PHF11: variants seen among roughly 807,000 people sequenced by gnomAD.
The protein encoded by PHF11 is BRCA1 C-terminus-associated protein.
A neutral mutation model predicts 40.5 loss-of-function variants in PHF11; 38 were observed. That is an observed-to-expected ratio of 0.94 (90% CI 0.72 to 1.23). PHF11 has a LOEUF of 1.23. Among genes scored for constraint, PHF11 ranks in the 50% most tolerant of loss-of-function variants. The pLI, the probability that PHF11 is intolerant of heterozygous loss-of-function variation, is 0.00. For missense variants in PHF11, 369 were observed against 392.4 expected (o/e 0.94, Z 0.50); for synonymous variants, 127 against 138.2 (o/e 0.92, Z 0.57).
At chr13:49,519,706 A>T (rs1342113430) in intron 4 of PHF11, among the ~76,000 whole-genome samples, 1 of 145,852 alleles carries the variant, frequency 6.9e-6, no homozygotes, top group South Asian at 2.2e-4. Context: ...AGAATTGTTG[A>T]CACTGTGGAA....
intron 6 of PHF11, 39 bp from the exon 7 acceptor site, chr13:49,523,136 T>C (rs1350590830): frequency 2.3e-6 from 3 of 1,309,370 alleles, no homozygotes; most frequent in Non-Finnish European, 3.3e-6. Flanking sequence ...TTATGCAATA[T>C]TAAAATCAAT....
intron 6 of PHF11, among the ~76,000 whole-genome samples, chr13:49,522,910 A>G (rs1202052578): frequency 6.6e-6 from 1 of 151,760 alleles, no homozygotes; most frequent in African/African-American, 2.4e-5. Flanking sequence ...GATTACAGGC[A>G]TGCACCACCA....
At chr13:49,514,344 G>A (rs909996493) in intron 3 of PHF11, among the ~76,000 whole-genome samples, 2 of 152,158 alleles carry the variant, frequency 1.3e-5, no homozygotes, top group South Asian at 2.1e-4. Flanking sequence ...CATTTTAATC[G>A]AAGAAATGGA....
intron 1 of PHF11, among the ~76,000 whole-genome samples, chr13:49,504,890 G>T (rs1266836109): frequency 1.3e-5 from 2 of 149,264 alleles, no homozygotes; most frequent in African/African-American, 2.5e-5. Context: ...TTCTGCCTTG[G>T]GATCCTGTTG....
At position 49,497,144 on chromosome 13, in the gene PHF11, G is replaced by A. The variant is rs1033738702; in HGVS notation, c.94+1049G>A. 34 of 1,289,382 alleles carry A rather than the reference G, an allele frequency of 2.6e-5. No homozygotes were observed. The East Asian group carries it at 1.4e-3, about 53-fold the overall frequency. The allele number at this position is 1,289,382 out of a possible 1,614,324, so 79.9% of individuals were successfully genotyped here. A position where few individuals can be genotyped will look rare whatever the true frequency, so the allele number is the denominator to read the frequency against. On this transcript the variant is annotated intron_variant, in intron 1 of 9. Transcript: ENST00000378319. ...GGCACCAAACCACAAAACGTCACACGTAAACATCATACGTGGCAACCACAA... is the reference window on the plus strand; with the variant it reads ...GGCACCAAACCACAAAACGTCACACATAAACATCATACGTGGCAACCACAA...
At position 49,513,153 on chromosome 13, in the gene PHF11, G is replaced by A. The variant is rs1959100504; in HGVS notation, c.311G>A (p.Arg104Lys). The A allele has an allele frequency of 6.6e-7, 1 of 1,526,392 alleles. No homozygotes were observed. The highest frequency in any genetic ancestry group is 9.1e-7 in the Non-Finnish European group (1 of 1,100,370). 94.6% of individuals were successfully genotyped at this position (1,526,392 alleles called of 1,614,324 possible). A position where few individuals can be genotyped will look rare whatever the true frequency, so the allele number is the denominator to read the frequency against. Reference protein sequence around the residue: ...DVESVKKEIQRGRKLKCKFCH... With the variant: ...DVESVKKEIQKGRKLKCKFCH... ...GAATCAGTAAAGAAAGAAATCCAGAGAGGAAGGAAGTTGGTAAGTGTAAAT... is the reference window on the plus strand; with the variant it reads ...GAATCAGTAAAGAAAGAAATCCAGAAAGGAAGGAAGTTGGTAAGTGTAAAT... The change falls in exon 3 of 10, where the codon AGA becomes AAA. Residue 104 changes from arginine to lysine, a missense_variant. Transcript: ENST00000378319.
In PHF11 at chr13:49,528,602, C is replaced by A; in HGVS notation, c.933C>A (p.Cys311Ter). ...ELLQDLKQTL[C>*]SFQENRDLMS... ...TTCAGGACTTAAAACAAACCTTGTG[C>A]TCTTTTCAAGAAAATAGAGATCTTA... The change falls in exon 10 of 10, where the codon TGC becomes TGA. Residue 311 changes from cysteine (C) to a stop codon, truncating the protein, a stop_gained. Coordinates refer to ENST00000378319, the MANE Select transcript of PHF11 (RefSeq NM_001040443.3). LOFTEE classifies it low-confidence loss of function (END_TRUNC). The A allele has an allele frequency of 6.2e-7, 1 of 1,610,866 alleles. No homozygotes were observed. The highest frequency in any genetic ancestry group is 1.1e-5 in the South Asian group (1 of 90,934).
chr13:49,513,948 A>C (rs1175443393), intron 3 of PHF11, among the ~76,000 whole-genome samples: 2 of 152,188 alleles, frequency 1.3e-5, no homozygotes, highest in Non-Finnish European at 2.9e-5. Context: ...GTGAAAGACA[A>C]AGGTCATCCA....
chr13:49,505,818 C>G (rs1290857175), intron 1 of PHF11, among the ~76,000 whole-genome samples: 1 of 152,058 alleles, frequency 6.6e-6, no homozygotes, highest in Non-Finnish European at 1.5e-5. Context: ...TTCCTACCTT[C>G]ATGTATCTTT....
At position 49,504,968 on chromosome 13, in the gene PHF11, A is replaced by AT. The variant is rs1167245603; in HGVS notation, c.95-1665dup. Among the ~76,000 whole-genome samples, 9 of 150,570 alleles carry AT rather than the reference A, an allele frequency of 6.0e-5. No homozygotes were observed. In the East Asian group the frequency reaches 1.4e-3, roughly 23 times the overall value. On this transcript the variant is annotated intron_variant, in intron 1 of 9. Transcript: ENST00000378319. ...GCTGTGTCCACTCAGGGTTAAATGG[A>AT]TTAAGGGCGGTGCAAGATGTGCTTT...
intron 4 of PHF11, among the ~76,000 whole-genome samples, 158 bp from the exon 5 acceptor site, chr13:49,520,736 G>A (rs561094345): frequency 6.6e-6 from 1 of 152,012 alleles, no homozygotes; most frequent in Non-Finnish European, 1.5e-5. Flanking sequence ...TGCACTCAGT[G>A]TGGGTCACTA....
chr13:49,505,339 T>C (rs1209229732), intron 1 of PHF11, among the ~76,000 whole-genome samples: 2 of 151,948 alleles, frequency 1.3e-5, no homozygotes, highest in Non-Finnish European at 2.9e-5. Context: ...AAGAAGAAAC[T>C]GATCAGAATG....
intron 1 of PHF11, 148 bp downstream of exon 1, chr13:49,496,243 C>A: frequency 4.6e-6 from 3 of 647,682 alleles, no homozygotes; most frequent in Non-Finnish European, 6.5e-6. Flanking sequence ...CGGCGCTGGA[C>A]GAACTTGGCT....
chr13:49,506,233 T>TAAAACAA (rs1958986189), intron 1 of PHF11, among the ~76,000 whole-genome samples: 1 of 120,596 alleles, frequency 8.3e-6, no homozygotes, highest in Admixed American at 8.5e-5. Context: ...CCCCGGTCTC[T>TAAAACAA]AAAAAAAAAA....
At chr13:49,514,357 G>A (rs2139055687) in intron 3 of PHF11, among the ~76,000 whole-genome samples, 1 of 152,296 alleles carries the variant, frequency 6.6e-6, no homozygotes, top group African/African-American at 2.4e-5. Flanking sequence ...GAAATGGAAA[G>A]TGCAGGGTGA....
chr13:49,508,084 T>C (rs1219546218), intron 2 of PHF11, among the ~76,000 whole-genome samples: 1 of 148,596 alleles, frequency 6.7e-6, no homozygotes, highest in Non-Finnish European at 1.5e-5. Flanking sequence ...TATTATAATA[T>C]ATTATAAATA....
chr13:49,526,420 G>A lies in PHF11; in HGVS notation c.803G>A (p.Cys268Tyr). 2 of 1,610,176 alleles carry A rather than the reference G, an allele frequency of 1.2e-6. No individual in the cohort carries two copies. The highest frequency in any genetic ancestry group is 8.5e-7 in the Non-Finnish European group (1 of 1,176,530). ...GAAATCGGGAGTGCACTTTTTGACT[G>A]TAGATTGTTCGAAGACACATTTGTA... ...YEEIGSALFDCRLFEDTFVNF... is the reference protein window; with the variant it reads ...YEEIGSALFDYRLFEDTFVNF... Residue 268 changes from cysteine to tyrosine, a missense_variant, in exon 9 of 10, where the codon TGT becomes TAT. By Grantham distance (194) the Cys-to-Tyr change is radical. Coordinates refer to ENST00000378319, the MANE Select transcript of PHF11 (RefSeq NM_001040443.3).
chr13:49,526,940 T>TA (rs1959322820), intron 9 of PHF11, among the ~76,000 whole-genome samples: 2 of 152,068 alleles, frequency 1.3e-5, no homozygotes, highest in African/African-American at 4.8e-5. Context: ...ATCCCTCCGC[T>TA]TGCCTCCCTC....
At chr13:49,519,819 T>A (rs1407767330) in intron 4 of PHF11, among the ~76,000 whole-genome samples, 1 of 152,120 alleles carries the variant, frequency 6.6e-6, no homozygotes. Context: ...GATACCAGAA[T>A]CAAAGTGGGA....
Sources: allele counts gnomAD v4.1 joint callset (sites outside exome capture counted in the v4.1 genomes callset), GRCh38; gene constraint gnomAD v4.1.1; transcripts MANE v1.5; gene names NCBI Gene and HGNC (gene_info 2026-07-23, HGNC 2026-07-21).